ESPN: variants seen among roughly 807,000 people sequenced by gnomAD.
ESPN encodes espin.
A neutral mutation model predicts 77.7 loss-of-function variants in ESPN; 68 were observed. That is an observed-to-expected ratio of 0.87 (90% CI 0.72 to 1.07). The LOEUF (loss-of-function observed/expected upper bound fraction) is 1.07. Among genes scored for constraint, ESPN ranks in the 50% least tolerant of loss-of-function variants. The pLI is 0.00. For synonymous variants in ESPN, 449 were observed against 567.1 expected (o/e 0.79, Z 2.96); for missense variants, 1,060 against 1,239.0 (o/e 0.86, Z 2.17).
chr1:6,440,008 C>CAAA (rs61328926), intron 2 of ESPN, among the ~76,000 whole-genome samples: 1 of 148,342 alleles, frequency 6.7e-6, no homozygotes, highest in Non-Finnish European at 1.5e-5. Flanking sequence ...GACTTCTTCT[C>CAAA]AAAAAAAAAA....
intron 2 of ESPN, among the ~76,000 whole-genome samples, chr1:6,431,255 G>T (rs926607286): frequency 1.3e-5 from 2 of 152,206 alleles, no homozygotes; most frequent in African/African-American, 2.4e-5. Flanking sequence ...AACTTCAGCA[G>T]GTGCCTCCTT....
intron 2 of ESPN, among the ~76,000 whole-genome samples, chr1:6,429,036 G>T (rs1183661715): frequency 6.6e-6 from 1 of 151,948 alleles, no homozygotes; most frequent in Non-Finnish European, 1.5e-5. Context: ...GGAGTGGGCT[G>T]GGAGCTCCCC....
chr1:6,425,378 G>T, intron 1 of ESPN, 129 bp downstream of exon 1: 1 of 1,209,938 alleles, frequency 8.3e-7, no homozygotes, highest in South Asian at 1.4e-5. Flanking sequence ...CCTGCACGGA[G>T]CTCCTTCCAG....
At chr1:6,452,465 G>A (rs1310387575) in intron 10 of ESPN, among the ~76,000 whole-genome samples, 4 of 152,070 alleles carry the variant, frequency 2.6e-5, no homozygotes, top group African/African-American at 9.7e-5. Context: ...TTTTCTTTAG[G>A]GAAAGCAGGG....
rs552643776 is a variant in ESPN, at chr1:6,441,008, G to C, written c.933G>C (p.Leu311=). 2.3e-5 allele frequency: 37 copies of C among 1,610,454 alleles called. No homozygotes were observed. In the South Asian group the frequency reaches 3.4e-4, roughly 15 times the overall value. ...GCGACGGGTACACGGCCGCCGACCT[G>C]TCGGACTTCAACGGCCACAGCCACT... ...RDRDGYTAAD[L]SDFNGHSHCT... The change falls in exon 5 of 13, where the codon CTG becomes CTC. Residue 311 remains leucine (L), a synonymous_variant. Coordinates refer to ENST00000645284, the MANE Select transcript of ESPN (RefSeq NM_031475.3).
chr1:6,425,119 T>C lies in ESPN; in HGVS notation c.164T>C (p.Leu55Pro), dbSNP rs1642986501. Residue 55 changes from leucine to proline, a missense_variant, in exon 1 of 13, where the codon CTG (leucine) becomes CCG (proline). Physicochemically the swap from Leu to Pro is moderately conservative, Grantham distance 98. Coordinates refer to ENST00000645284, the MANE Select transcript of ESPN (RefSeq NM_031475.3). ...RAGKLHCLRF[L>P]VEEAALPAAA... ...GGGAAGCTGCACTGTCTGCGCTTCCTGGTGGAGGAAGCCGCCCTCCCCGCC... is the reference window on the plus strand; with the variant it reads ...GGGAAGCTGCACTGTCTGCGCTTCCCGGTGGAGGAAGCCGCCCTCCCCGCC... 6.6e-7 allele frequency: 1 copy of C among 1,508,968 alleles called. No individual in the cohort carries two copies. Among genetic ancestry groups the C allele is most frequent in the East Asian group, 2.6e-5 (1 of 38,338 alleles). The allele number at this position is 1,508,968 out of a possible 1,614,324, so 93.5% of individuals were successfully genotyped here. A position where few individuals can be genotyped will look rare whatever the true frequency, so the allele number is the denominator to read the frequency against.
downstream of ESPN, chr1:6,461,146 A>C: frequency 1.5e-6 from 1 of 652,720 alleles, no homozygotes; most frequent in East Asian, 3.2e-5. The surrounding 1 kb of genome is among the most constrained non-coding windows in gnomAD (Gnocchi z 6.3). Context: ...AACGCCAAGA[A>C]GCCGTTTTTG....
rs748164590 is a variant in ESPN, at chr1:6,441,066, G to A, written c.990+1G>A. 3.7e-6 allele frequency: 6 copies of A among 1,610,618 alleles called. No individual in the cohort carries two copies. In the South Asian group the frequency reaches 5.5e-5, roughly 15 times the overall value. On this transcript the variant is annotated splice_donor_variant, in intron 5 of 12. Coordinates refer to ENST00000645284, the MANE Select transcript of ESPN (RefSeq NM_031475.3). LOFTEE classifies it high-confidence loss of function. Reference sequence around the variant, plus strand: ...CTACCTGCGCACGGTGGAGAACCTGGTACGATCCCTGAGCTGCTCCTGTCG... The same window carrying A: ...CTACCTGCGCACGGTGGAGAACCTGATACGATCCCTGAGCTGCTCCTGTCG...
intron 5 of ESPN, among the ~76,000 whole-genome samples, chr1:6,444,124 C>T (rs779679677): frequency 2.0e-5 from 3 of 152,206 alleles, no homozygotes; most frequent in Non-Finnish European, 4.4e-5. Flanking sequence ...CTGTGCTGTG[C>T]GCCTCCCCAT....
rs1011702702 is a variant in ESPN at position 6,442,595 on chromosome 1, C to T, written c.990+1530C>T. The stretch of plus-strand genomic sequence containing the variant: ...CTAAAAAAAAAAAAAAAAGGCTGGG[C>T]ACGGTGGCTCACGCCTGTAATCCTA... On this transcript the variant is annotated intron_variant, in intron 5 of 12. Coordinates refer to ENST00000645284, the MANE Select transcript of ESPN (RefSeq NM_031475.3). 8.1e-4 allele frequency among the ~76,000 whole-genome samples: 105 copies of T among 129,064 alleles called. 1 individual carries two copies. The highest frequency in any genetic ancestry group is 3.1e-4 in the Non-Finnish European group (19 of 62,188). 84.7% of individuals were successfully genotyped at this position (129,064 alleles called of 152,430 possible).
rs1330166989 is a variant in ESPN, at chr1:6,445,707, C to T, written c.1236C>T (p.Asp412=). The T allele has an allele frequency of 6.2e-7, 1 of 1,612,456 alleles. No individual in the cohort carries two copies. Among genetic ancestry groups the T allele is most frequent in the Admixed American group, 1.7e-5 (1 of 59,984 alleles). ...CTGCAGACATACAGAGCTACATGGACATGCTGAACCCGGAGCTGGGCCTGC... is the reference window on the plus strand; with the variant it reads ...CTGCAGACATACAGAGCTACATGGATATGCTGAACCCGGAGCTGGGCCTGC... ...ARAADIQSYM[D]MLNPELGLPR... is the part of the protein sequence containing the mutation. The change falls in exon 7 of 13, where the codon GAC becomes GAT. Residue 412 remains aspartate, a synonymous_variant. Transcript: ENST00000645284.
intron 10 of ESPN, chr1:6,455,348 G>T (rs556479816): frequency 3.6e-4 from 139 of 385,134 alleles, no homozygotes; most frequent in African/African-American, 2.7e-3. Context: ...GCGCCCAGGC[G>T]CGCCTACGCG....
At position 6,428,177 on chromosome 1, in the gene ESPN, G is replaced by A. The variant is rs777600584; in HGVS notation, c.295-49G>A. ...GAGTCTGGGAGTGGCCCAAGCCAGG[G>A]GCGGGGCAGCAACAGGCTTTAGGAC... On this transcript the variant is annotated intron_variant, in intron 1 of 12. Coordinates refer to ENST00000645284, the MANE Select transcript of ESPN (RefSeq NM_031475.3). This position sits in a 1 kb window ranked among gnomAD's most constrained non-coding sequence, Gnocchi z 5.4. The A allele has an allele frequency of 1.1e-5, 18 of 1,602,876 alleles. No homozygotes were observed. In the South Asian group the frequency reaches 1.7e-4, roughly 15 times the overall value.
intron 2 of ESPN, among the ~76,000 whole-genome samples, chr1:6,430,052 A>G (rs891989149): frequency 8.5e-4 from 129 of 152,284 alleles, no homozygotes; most frequent in African/African-American, 2.9e-3. Flanking sequence ...GGGCTGGGGT[A>G]CCCACTTAAC....
intron 5 of ESPN, among the ~76,000 whole-genome samples, chr1:6,441,917 C>T (rs891197667): frequency 6.6e-6 from 1 of 152,216 alleles, no homozygotes; most frequent in African/African-American, 2.4e-5. Context: ...CACAGCAAGG[C>T]CCAGAGGCCA....
rs1642989607 is a variant in ESPN, at chr1:6,425,173, C to A, written c.218C>A (p.Pro73Gln). 1.3e-6 allele frequency: 2 copies of A among 1,532,540 alleles called. No homozygotes were observed. Among genetic ancestry groups the A allele is most frequent in the Non-Finnish European group, 1.7e-6 (2 of 1,146,348 alleles). The allele number at this position is 1,532,540 out of a possible 1,614,324, so 94.9% of individuals were successfully genotyped here. A position where few individuals can be genotyped will look rare whatever the true frequency, so the allele number is the denominator to read the frequency against. The change falls in exon 1 of 13, where the codon CCG becomes CAG. Residue 73 changes from proline to glutamine, a missense_variant. Pro to Gln is a moderately conservative substitution (Grantham distance 76). Coordinates refer to ENST00000645284, the MANE Select transcript of ESPN (RefSeq NM_031475.3). ...GCCCGCGCCCGCAACGGCGCCACAC[C>A]GGCCCACGACGCCTCCGCCACCGGC... is the stretch of plus-strand genomic sequence containing the variant. ...AAARARNGAT[P>Q]AHDASATGHL...
Position 6,451,308 on chromosome 1 carries a change from G to A in ESPN, c.1916-295G>A. The stretch of plus-strand genomic sequence containing the variant: ...GAGCTGGGCAGTCAGTGGCTGGGCG[G>A]GGACATATGCCCAAGAGCCACCATG... On this transcript the variant is annotated intron_variant, in intron 8 of 12. Transcript: ENST00000645284. The surrounding 1 kb of genome is among the most constrained non-coding windows in gnomAD (Gnocchi z 4.3). 2.0e-6 allele frequency: 1 copy of A among 498,916 alleles called. No homozygotes were observed. The highest frequency in any genetic ancestry group is 3.7e-6 in the Non-Finnish European group (1 of 272,764). The allele number at this position is 498,916 out of a possible 1,614,324, so 30.9% of individuals were successfully genotyped here. A position where few individuals can be genotyped will look rare whatever the true frequency, so the allele number is the denominator to read the frequency against.
intron 2 of ESPN, 148 bp from the exon 3 acceptor site, chr1:6,440,106 C>G (rs1248891388): frequency 1.2e-6 from 1 of 862,696 alleles, no homozygotes; most frequent in Non-Finnish European, 1.9e-6. Context: ...AGGGGGAGCC[C>G]CCCGGGCAGC....
At chr1:6,448,207 C>A (rs12732682) in intron 7 of ESPN, 1 of 154,032 alleles carries the variant, frequency 6.5e-6, no homozygotes, top group African/African-American at 2.4e-5. Context: ...CCTCCGGCCC[C>A]GGACCCCCGA....
Sources: allele counts gnomAD v4.1 joint callset (sites outside exome capture counted in the v4.1 genomes callset), GRCh38; gene constraint gnomAD v4.1.1; non-coding constraint Gnocchi (gnomAD v3.1); transcripts MANE v1.5; gene names NCBI Gene and HGNC (gene_info 2026-07-23, HGNC 2026-07-21).